TANC2: variants seen among roughly 807,000 people sequenced by gnomAD.
The protein encoded by TANC2 is tetratricopeptide repeat, ankyrin repeat and coiled-coil containing 2.
TANC2 carries 26 observed loss-of-function variants against 210.5 expected under a neutral mutation model. The ratio of observed to expected loss-of-function variants is 0.12; its 90% CI spans 0.09 to 0.17. The LOEUF (loss-of-function observed/expected upper bound fraction) is 0.17. Ranked by LOEUF, TANC2 falls within the 10% of genes least tolerant of loss-of-function variation. The pLI is 1.00. For synonymous variants in TANC2, 931 were observed against 967.1 expected, an observed-to-expected ratio of 0.96 and a Z score of 0.69; for missense variants, 2,129 against 2,608.9, an observed-to-expected ratio of 0.82 and a Z score of 4.01.
intron 9 of TANC2, among the ~76,000 whole-genome samples, chr17:63,292,358 C>T (rs1436277652): frequency 1.3e-5 from 2 of 152,020 alleles, no homozygotes; most frequent in African/African-American, 2.4e-5. Flanking sequence ...ACGTTAAGCC[C>T]AAGAAAGGAG....
intron 5 of TANC2, among the ~76,000 whole-genome samples, chr17:63,184,128 A>T (rs1004726418): frequency 5.3e-5 from 8 of 152,220 alleles, no homozygotes; most frequent in Admixed American, 3.9e-4. Context: ...TATTTCATAT[A>T]TAATTTCCTT....
intron 5 of TANC2, among the ~76,000 whole-genome samples, chr17:63,156,699 A>G (rs999464686): frequency 6.6e-6 from 1 of 152,080 alleles, no homozygotes; most frequent in Non-Finnish European, 1.5e-5. Context: ...TTTCCTATCC[A>G]TGTAAGTTCT....
At chr17:63,174,103 G>A (rs984599464) in intron 5 of TANC2, among the ~76,000 whole-genome samples, 4 of 152,180 alleles carry the variant, frequency 2.6e-5, no homozygotes, top group Admixed American at 2.0e-4. Context: ...TGCCAGTGAC[G>A]AAGGCAGATT....
At chr17:63,262,827 G>A (rs2043407367) in intron 8 of TANC2, among the ~76,000 whole-genome samples, 1 of 152,078 alleles carries the variant, frequency 6.6e-6, no homozygotes, top group Admixed American at 6.6e-5. Flanking sequence ...AACAGCAATA[G>A]GGATGGTTTT....
chr17:63,143,176 A>C (rs1052982167), intron 4 of TANC2, among the ~76,000 whole-genome samples: 7 of 152,194 alleles, frequency 4.6e-5, no homozygotes, highest in Non-Finnish European at 1.0e-4. Flanking sequence ...TTAAACTGTC[A>C]TTATTTGTAT....
Position 63,388,627 on chromosome 17 carries a change from T to C in TANC2, c.2692-8T>C, listed in dbSNP as rs1407237684. ...CTACTAATTTAATTGTCTGTATTTC[T>C]TATTCAGGGTTTGAGTAAAAAAGTT... On this transcript the variant is annotated splice_region_variant and splice_polypyrimidine_tract_variant and intron_variant, in intron 15 of 27. Coordinates refer to ENST00000689528, the Ensembl canonical transcript of TANC2. 5.6e-6 allele frequency: 9 copies of C among 1,598,160 alleles called. No individual in the cohort carries two copies. The highest frequency in any genetic ancestry group is 3.4e-5 in the South Asian group (3 of 87,608).
intron 7 of TANC2, among the ~76,000 whole-genome samples, chr17:63,220,863 T>TTTGCATATCC (rs2042168311): frequency 6.6e-6 from 1 of 150,870 alleles, no homozygotes; most frequent in Non-Finnish European, 1.5e-5. Flanking sequence ...TATACGTATA[T>TTTGCATATCC]ATGTACGTAT....
chr17:63,014,156 AT>A (rs542833236), intron 2 of TANC2, among the ~76,000 whole-genome samples: 90 of 151,318 alleles, frequency 5.9e-4, no homozygotes, highest in African/African-American at 2.0e-3. Context: ...TGTCTACTGA[AT>A]TTTTTTTCAA....
chr17:63,284,262 G>T (rs2044152518), intron 9 of TANC2, among the ~76,000 whole-genome samples: 1 of 151,748 alleles, frequency 6.6e-6, no homozygotes, highest in Non-Finnish European at 1.5e-5. Flanking sequence ...ATTGATATTT[G>T]AATCTAACTT....
intron 1 of TANC2, among the ~76,000 whole-genome samples, chr17:62,968,217 A>G (rs187267793): frequency 4.3e-4 from 65 of 152,346 alleles, no homozygotes; most frequent in Admixed American, 1.1e-3. Flanking sequence ...TGAATATACT[A>G]TATAACAAAA....
chr17:63,042,774 A>G (rs1158036372), intron 2 of TANC2, among the ~76,000 whole-genome samples: 1 of 152,060 alleles, frequency 6.6e-6, no homozygotes, highest in East Asian at 1.9e-4. Context: ...AGTGTGGTTA[A>G]GGGTAGAAGA....
intron 11 of TANC2, among the ~76,000 whole-genome samples, chr17:63,325,447 C>T (rs141086024): frequency 1.3e-5 from 2 of 152,290 alleles, no homozygotes; most frequent in African/African-American, 4.8e-5. Context: ...ATTGCTTCTT[C>T]TAAAAAAGCT....
At chr17:63,006,337 T>C (rs2033625946) in intron 1 of TANC2, among the ~76,000 whole-genome samples, 1 of 152,134 alleles carries the variant, frequency 6.6e-6, no homozygotes, top group African/African-American at 2.4e-5. Flanking sequence ...GCTTTTGAAA[T>C]TTTTGAAATA....
chr17:63,161,443 G>A (rs2040021465), intron 5 of TANC2, among the ~76,000 whole-genome samples: 1 of 152,060 alleles, frequency 6.6e-6, no homozygotes. Context: ...TCTTCCCTCT[G>A]CATTGCTAAA....
At chr17:63,097,349 G>T (rs949555169) in intron 3 of TANC2, among the ~76,000 whole-genome samples, 9 of 151,990 alleles carry the variant, frequency 5.9e-5, no homozygotes, top group Non-Finnish European at 1.2e-4. Context: ...ACCCAGCTTT[G>T]CCCATTTTTA....
intron 17 of TANC2, chr17:63,389,874 C>T (rs146205700): frequency 5.8e-4 from 190 of 329,848 alleles, no homozygotes; most frequent in African/African-American, 3.7e-3. Flanking sequence ...AGTGAGGAAG[C>T]CAGGAGACTG....
chr17:63,015,133 T>C (rs1294120135), intron 2 of TANC2, among the ~76,000 whole-genome samples: 2 of 151,960 alleles, frequency 1.3e-5, no homozygotes, highest in African/African-American at 4.8e-5. Flanking sequence ...AGTTTTCTCA[T>C]AGGTATATAA....
intron 6 of TANC2, among the ~76,000 whole-genome samples, chr17:63,196,831 G>A (rs1211273630): frequency 6.6e-6 from 1 of 152,094 alleles, no homozygotes; most frequent in African/African-American, 2.4e-5. Context: ...TTTTGTTTAA[G>A]CTTCTTCACA....
chr17:63,334,339 C>T (rs1243280191), intron 11 of TANC2, among the ~76,000 whole-genome samples: 1 of 152,170 alleles, frequency 6.6e-6, no homozygotes, highest in Non-Finnish European at 1.5e-5. Context: ...TGAAATAACA[C>T]AGCAGTCAAC....
Sources: allele counts gnomAD v4.1 joint callset (sites outside exome capture counted in the v4.1 genomes callset), GRCh38; gene constraint gnomAD v4.1.1; transcripts MANE v1.5; gene names NCBI Gene and HGNC (gene_info 2026-07-23, HGNC 2026-07-21).